Variants in ADARB2 observed in about 807,000 individuals in gnomAD.
The protein encoded by ADARB2 is inactive double-stranded RNA-specific editase B2.
In ADARB2, 25 loss-of-function variants were observed where a neutral mutation model predicts 62.2. That is an observed-to-expected ratio of 0.40 (90% confidence interval 0.29 to 0.56). The LOEUF is 0.56. ADARB2 is among the 20% of genes least tolerant of loss of function. The probability of loss-of-function intolerance (pLI) is 0.43; values close to 1 mark genes in which losing one functional copy is unlikely to be tolerated. For missense variants in ADARB2, 1,071 were observed against 1,077.4 expected, an observed-to-expected ratio of 0.99 and a Z score of 0.08; for synonymous variants, 572 against 500.8, an observed-to-expected ratio of 1.14 and a Z score of -1.90.
intron 1 of ADARB2, among the ~76,000 whole-genome samples, chr10:1,392,794 C>T (rs977475459): frequency 3.9e-5 from 6 of 152,294 alleles, no homozygotes; most frequent in Non-Finnish European, 8.8e-5. Flanking sequence ...GTCCTGAAAG[C>T]GTCCAGTTAA....
chr10:1,373,347 C>T (rs944859069), intron 2 of ADARB2, among the ~76,000 whole-genome samples: 7 of 152,046 alleles, frequency 4.6e-5, no homozygotes, highest in South Asian at 2.1e-4. Flanking sequence ...CACACACACA[C>T]GCGCGTCTTG....
At chr10:1,514,268 C>T (rs1259814071) in intron 1 of ADARB2, among the ~76,000 whole-genome samples, 1 of 148,254 alleles carries the variant, frequency 6.7e-6, no homozygotes, top group East Asian at 2.0e-4. Context: ...ACAGAGGACT[C>T]CTGAATGTTC....
At position 1,181,204 on chromosome 10, in the gene ADARB2, C is replaced by G. The variant is rs1050609319; in HGVS notation, c.*1989G>C. 6.6e-5 allele frequency: 10 copies of G among 152,280 alleles called. No homozygotes were observed. Among genetic ancestry groups the G allele is most frequent in the African/African-American group, 2.4e-4 (10 of 41,474 alleles). 9.4% of individuals were successfully genotyped at this position (152,280 alleles called of 1,614,324 possible). A position where few individuals can be genotyped will look rare whatever the true frequency, so the allele number is the denominator to read the frequency against. On this transcript the variant is annotated 3_prime_UTR_variant, in exon 10 of 10. Coordinates refer to ENST00000381312, the MANE Select transcript of ADARB2 (RefSeq NM_018702.4). ...CAGCCAGGAGCTGGCCGTGCTCCCA[C>G]GCATTCAGGGGAGCGCTCACTTCTG...
At chr10:1,345,331 G>A (rs1171180898) in intron 3 of ADARB2, among the ~76,000 whole-genome samples, 8 of 152,292 alleles carry the variant, frequency 5.3e-5, no homozygotes, top group Middle Eastern at 3.4e-3. Context: ...TGGCTGCTCC[G>A]CAGGTGAGGT....
chr10:1,672,584 C>G (rs1361814021), intron 1 of ADARB2, among the ~76,000 whole-genome samples: 1 of 151,454 alleles, frequency 6.6e-6, no homozygotes, highest in Non-Finnish European at 1.5e-5. Flanking sequence ...CGCGCTTCGC[C>G]TTCCTCCCTC....
At chr10:1,413,436 A>G (rs541155955) in intron 1 of ADARB2, among the ~76,000 whole-genome samples, 1 of 152,292 alleles carries the variant, frequency 6.6e-6, no homozygotes, top group Admixed American at 6.5e-5. Context: ...CACACAAAAA[A>G]CATGTGGGTC....
At chr10:1,286,527 G>A (rs975992188) in intron 3 of ADARB2, among the ~76,000 whole-genome samples, 2 of 152,168 alleles carry the variant, frequency 1.3e-5, no homozygotes, top group South Asian at 2.1e-4. Context: ...GCAAATTTGA[G>A]TGAAGGCATG....
chr10:1,266,184 G>A (rs533967217), intron 4 of ADARB2, among the ~76,000 whole-genome samples: 1 of 152,334 alleles, frequency 6.6e-6, no homozygotes, highest in Admixed American at 6.5e-5. Flanking sequence ...GTGGGTCGGC[G>A]CCGAGAAGGA....
intron 3 of ADARB2, among the ~76,000 whole-genome samples, chr10:1,313,097 G>A (rs1318354598): frequency 1.3e-5 from 2 of 152,198 alleles, no homozygotes; most frequent in Non-Finnish European, 2.9e-5. Context: ...ACAAGCATCT[G>A]CTGAAGGCCT....
At chr10:1,501,248 T>A (rs1311287093) in intron 1 of ADARB2, among the ~76,000 whole-genome samples, 1 of 152,088 alleles carries the variant, frequency 6.6e-6, no homozygotes. Context: ...AAAGGGGGAG[T>A]TTAACTTGCT....
intron 1 of ADARB2, among the ~76,000 whole-genome samples, chr10:1,576,494 G>A (rs1250063131): frequency 1.3e-5 from 2 of 152,164 alleles, no homozygotes; most frequent in African/African-American, 4.8e-5. Flanking sequence ...TTCATGCTAT[G>A]GTTCTGTGGT....
At chr10:1,298,920 T>C (rs577926634) in intron 3 of ADARB2, among the ~76,000 whole-genome samples, 1 of 151,502 alleles carries the variant, frequency 6.6e-6, no homozygotes, top group Non-Finnish European at 1.5e-5. Context: ...TTTATTTTTA[T>C]TTTTTGTAGA....
At chr10:1,624,577 C>G (rs1370962639) in intron 1 of ADARB2, among the ~76,000 whole-genome samples, 1 of 152,174 alleles carries the variant, frequency 6.6e-6, no homozygotes, top group Non-Finnish European at 1.5e-5. Flanking sequence ...GCGAAACTCA[C>G]GAGGTTATGA....
At chr10:1,358,735 A>G (rs1007498615) in intron 3 of ADARB2, among the ~76,000 whole-genome samples, 6 of 152,098 alleles carry the variant, frequency 3.9e-5, no homozygotes, top group East Asian at 3.9e-4. Context: ...TGAGTGTGGG[A>G]GAGTGCGGGG....
At chr10:1,521,358 C>T (rs995652630) in intron 1 of ADARB2, among the ~76,000 whole-genome samples, 2 of 152,284 alleles carry the variant, frequency 1.3e-5, no homozygotes, top group Non-Finnish European at 2.9e-5. Flanking sequence ...CTGTCTTAGA[C>T]ATTTAAAACC....
chr10:1,590,493 C>A (rs1271746249), intron 1 of ADARB2, among the ~76,000 whole-genome samples: 1 of 152,124 alleles, frequency 6.6e-6, no homozygotes, highest in East Asian at 1.9e-4. Context: ...GGCAGCAGTT[C>A]CCCCTCCTGC....
At chr10:1,536,350 C>T (rs1443857943) in intron 1 of ADARB2, among the ~76,000 whole-genome samples, 1 of 152,236 alleles carries the variant, frequency 6.6e-6, no homozygotes, top group Non-Finnish European at 1.5e-5. Flanking sequence ...CTTTGGTTTC[C>T]AGCCTTGAGA....
chr10:1,289,819 G>A (rs1214616424), intron 3 of ADARB2, among the ~76,000 whole-genome samples: 2 of 152,262 alleles, frequency 1.3e-5, no homozygotes, highest in African/African-American at 4.8e-5. Context: ...AGGAGCAGGC[G>A]TGTTCCACAC....
chr10:1,419,442 T>A (rs913606526), intron 1 of ADARB2, among the ~76,000 whole-genome samples: 4 of 152,154 alleles, frequency 2.6e-5, no homozygotes, highest in Non-Finnish European at 5.9e-5. Flanking sequence ...TCAAACACTT[T>A]AAAAAAATCC....
Sources: allele counts gnomAD v4.1 joint callset (sites outside exome capture counted in the v4.1 genomes callset), GRCh38; gene constraint gnomAD v4.1.1; transcripts MANE v1.5; gene names NCBI Gene and HGNC (gene_info 2026-07-23, HGNC 2026-07-21).